The following HHAT variants were observed in gnomAD, a reference collection of about 807,000 sequenced individuals.
HHAT encodes protein-cysteine N-palmitoyltransferase HHAT.
In HHAT, 47 loss-of-function variants were observed where a neutral mutation model predicts 70.8. The ratio of observed to expected loss-of-function variants is 0.66; its 90% CI spans 0.53 to 0.85. The LOEUF is 0.85. HHAT is among the 40% of genes least tolerant of loss of function. The pLI is 0.00. For missense variants in HHAT, 609 were observed against 604.8 expected (o/e 1.01, Z -0.07); for synonymous variants, 228 against 247.6 (o/e 0.92, Z 0.74).
intron 1 of HHAT, among the ~76,000 whole-genome samples, 197 bp from the exon 2 acceptor site, chr1:210,348,736 C>CGT (rs71303046): frequency 0.027 from 4,015 of 147,950 alleles, 145 homozygotes; most frequent in African/African-American, 0.077. Context: ...TGTATGTGTG[C>CGT]GTGTGTGTGT....
chr1:210,400,792 G>T (rs149363635), intron 5 of HHAT, 130 bp downstream of exon 5: 2 of 792,580 alleles, frequency 2.5e-6, no homozygotes, highest in Middle Eastern at 3.8e-4. Context: ...CATAGTGGCC[G>T]TACAGGGTTG....
At chr1:210,435,964 T>C (rs970452385) in intron 7 of HHAT, among the ~76,000 whole-genome samples, 3 of 151,890 alleles carry the variant, frequency 2.0e-5, no homozygotes, top group African/African-American at 7.3e-5. Flanking sequence ...CTTTTTAGCT[T>C]GATACAATCC....
At chr1:210,403,336 G>A (rs756777334) in intron 5 of HHAT, among the ~76,000 whole-genome samples, 1 of 152,176 alleles carries the variant, frequency 6.6e-6, no homozygotes, top group Non-Finnish European at 1.5e-5. Context: ...TTGGGGACCT[G>A]GCAAGTGTAC....
intron 10 of HHAT, among the ~76,000 whole-genome samples, chr1:210,606,460 T>C (rs529526435): frequency 1.1e-4 from 16 of 149,684 alleles, no homozygotes; most frequent in African/African-American, 3.9e-4. Flanking sequence ...ATCTCTCAGA[T>C]AGAATTTTCC....
intron 3 of HHAT, among the ~76,000 whole-genome samples, chr1:210,381,391 A>G (rs138829890): frequency 9.2e-5 from 14 of 152,152 alleles, no homozygotes; most frequent in Middle Eastern, 3.4e-3. Context: ...AGTGATTTTC[A>G]TGTCTCAGCC....
intron 9 of HHAT, among the ~76,000 whole-genome samples, chr1:210,562,655 TTC>T (rs1295292721): frequency 8.7e-4 from 131 of 150,364 alleles, no homozygotes; most frequent in African/African-American, 3.1e-3. Context: ...TTTTTTTCTT[TTC>T]TTTTTTTTTT....
At chr1:210,415,029 T>A (rs1003381978) in intron 6 of HHAT, among the ~76,000 whole-genome samples, 10 of 151,720 alleles carry the variant, frequency 6.6e-5, no homozygotes, top group African/African-American at 2.2e-4. Context: ...AAAAAAAAAA[T>A]CTTTTTAATT....
intron 8 of HHAT, among the ~76,000 whole-genome samples, chr1:210,500,830 G>A (rs1024312445): frequency 2.0e-5 from 3 of 152,210 alleles, no homozygotes; most frequent in African/African-American, 7.2e-5. Context: ...CAACTCAAGT[G>A]ATGTTCTGTG....
intron 9 of HHAT, among the ~76,000 whole-genome samples, chr1:210,575,293 T>G (rs1194070696): frequency 1.3e-5 from 2 of 152,072 alleles, no homozygotes; most frequent in East Asian, 3.9e-4. Context: ...GCTTTCAGCA[T>G]CGTCTTAGGA....
At chr1:210,630,443 A>G (rs916161637) in intron 11 of HHAT, among the ~76,000 whole-genome samples, 4 of 152,194 alleles carry the variant, frequency 2.6e-5, no homozygotes, top group African/African-American at 9.7e-5. Flanking sequence ...TGGATGTGCC[A>G]CTAGCCTCCT....
At chr1:210,637,721 A>G (rs980376709) in intron 11 of HHAT, among the ~76,000 whole-genome samples, 4 of 152,022 alleles carry the variant, frequency 2.6e-5, no homozygotes, top group Non-Finnish European at 4.4e-5. Flanking sequence ...TTAGCTGAGC[A>G]TGGGGGCACA....
intron 10 of HHAT, among the ~76,000 whole-genome samples, chr1:210,600,514 G>A (rs1191089881): frequency 6.6e-6 from 1 of 152,162 alleles, no homozygotes; most frequent in Non-Finnish European, 1.5e-5. Flanking sequence ...AAAGAATGGG[G>A]TAAGGAGGAA....
intron 8 of HHAT, among the ~76,000 whole-genome samples, chr1:210,493,177 T>C (rs1198991446): frequency 6.6e-6 from 1 of 152,078 alleles, no homozygotes; most frequent in Admixed American, 6.6e-5. Context: ...CAGGGAGATC[T>C]ATGGGTCTTA....
chr1:210,509,502 A>G (rs1370635831), intron 8 of HHAT, among the ~76,000 whole-genome samples: 1 of 152,150 alleles, frequency 6.6e-6, no homozygotes, highest in African/African-American at 2.4e-5. Context: ...TGTTAGTTTT[A>G]CCCCTAACTA....
At chr1:210,392,615 A>G (rs974236893) in intron 4 of HHAT, among the ~76,000 whole-genome samples, 6 of 152,136 alleles carry the variant, frequency 3.9e-5, no homozygotes, top group Non-Finnish European at 8.8e-5. Flanking sequence ...ACAAATGTTA[A>G]ATTATTAAAA....
In HHAT at chr1:210,577,650, TTTTTTTTTTTTTTTC is replaced by T. The variant is rs1169813776; in HGVS notation, c.1044-10247_1044-10233del. 9.3e-4 allele frequency among the ~76,000 whole-genome samples: 116 copies of T among 125,010 alleles called. 6 individuals carry two copies. Among genetic ancestry groups the T allele is most frequent in the Non-Finnish European group, 1.3e-3 (77 of 60,776 alleles). 82.0% of individuals were successfully genotyped at this position (125,010 alleles called of 152,430 possible). A position where few individuals can be genotyped will look rare whatever the true frequency, so the allele number is the denominator to read the frequency against. Reference sequence around the variant, plus strand: ...TTGGCCTGTAGGATTTTTTTTTTTTTTTTTTTTTTTTTTTCGAAATGGAGTCTCACTCTGTCACCC... The same window carrying T: ...TTGGCCTGTAGGATTTTTTTTTTTTTGAAATGGAGTCTCACTCTGTCACCC... On this transcript the variant is annotated intron_variant, in intron 9 of 11. Transcript: ENST00000261458.
intron 8 of HHAT, among the ~76,000 whole-genome samples, chr1:210,501,038 T>A (rs1268076156): frequency 2.6e-5 from 4 of 152,214 alleles, no homozygotes; most frequent in Admixed American, 2.6e-4. Context: ...AAACACCAGC[T>A]CAAGACCTCT....
At chr1:210,596,640 A>G (rs1332962638) in intron 10 of HHAT, among the ~76,000 whole-genome samples, 2 of 152,034 alleles carry the variant, frequency 1.3e-5, no homozygotes, top group Non-Finnish European at 1.5e-5. Flanking sequence ...TGCATTTTTC[A>G]TCTTCAGAAT....
At chr1:210,375,008 G>A (rs2090071117) in intron 3 of HHAT, among the ~76,000 whole-genome samples, 2 of 152,180 alleles carry the variant, frequency 1.3e-5, no homozygotes, top group South Asian at 4.1e-4. Context: ...CTCCCCAGTG[G>A]GGAATCTTCC....
Sources: gnomAD v4.1 joint callset for allele counts (sites outside exome capture counted in the v4.1 genomes callset) on GRCh38, gnomAD v4.1.1 for gene constraint, MANE v1.5 for transcripts, NCBI Gene and HGNC (gene_info 2026-07-23, HGNC 2026-07-21) for gene names.